The following IQSEC3 variants were observed in gnomAD, a reference collection of about 807,000 sequenced individuals.
IQSEC3 encodes IQ motif and SEC7 domain-containing protein 3.
Under a neutral mutation model 105.4 loss-of-function variants are expected in IQSEC3, and 50 were observed. That is an observed-to-expected ratio of 0.47 (90% CI 0.38 to 0.60). The LOEUF is 0.60. Ranked by LOEUF, IQSEC3 falls within the 20% of genes least tolerant of loss-of-function variation. The pLI, the probability that IQSEC3 is intolerant of heterozygous loss-of-function variation, is 0.00. For missense variants in IQSEC3, 1,415 were observed against 1,630.0 expected, an observed-to-expected ratio of 0.87 and a Z score of 2.27; for synonymous variants, 708 against 746.0, an observed-to-expected ratio of 0.95 and a Z score of 0.83.
chr12:94,229 G>A lies in IQSEC3; in HGVS notation c.555-4917G>A, dbSNP rs1555074237. Among the ~76,000 whole-genome samples, 3 of 152,212 alleles carry A rather than the reference G, an allele frequency of 2.0e-5. No homozygotes were observed. In the South Asian group the frequency reaches 6.2e-4, roughly 31 times the overall value. ...GCCTGGTCTTGGTAAATGAACACAT[G>A]AATGCCCGCTTGCCAAAAACCCTTT... On this transcript the variant is annotated intron_variant, in intron 1 of 13. Coordinates refer to ENST00000538872, the MANE Select transcript of IQSEC3 (RefSeq NM_001170738.2).
rs374513961 is a variant in IQSEC3 at position 145,848 on chromosome 12, G to A, written c.2153+4563G>A. 5.4e-4 allele frequency among the ~76,000 whole-genome samples: 82 copies of A among 152,330 alleles called. No individual in the cohort carries two copies. The South Asian group carries it at 0.015, about 28-fold the overall frequency. On this transcript the variant is annotated intron_variant, in intron 5 of 13. Transcript: ENST00000538872. ...GGAACGTTCCATGCTGGCTGTGAGC[G>A]GCCTCTTTCTGGCCTGGATGATTTT...
In IQSEC3 at chr12:156,990, C is replaced by T. The variant is rs543931293; in HGVS notation, c.2154-35C>T. The stretch of plus-strand genomic sequence containing the variant: ...TGGGTGTTGGAGGGTGCTTAGGGTG[C>T]CACCTGACCTCACACCCTCCCTGCC... On this transcript the variant is annotated intron_variant, in intron 5 of 13. Coordinates refer to ENST00000538872, the MANE Select transcript of IQSEC3 (RefSeq NM_001170738.2). 2.4e-5 allele frequency: 37 copies of T among 1,539,054 alleles called. No homozygotes were observed. The East Asian group carries it at 8.0e-4, about 33-fold the overall frequency.
intron 2 of IQSEC3, among the ~76,000 whole-genome samples, chr12:102,342 T>C (rs1555076404): frequency 6.6e-6 from 1 of 152,126 alleles, no homozygotes; most frequent in Non-Finnish European, 1.5e-5. Flanking sequence ...CCAAAGTCAG[T>C]GAATCAGGTG....
chr12:102,047 G>A (rs1247312050), intron 2 of IQSEC3, among the ~76,000 whole-genome samples: 3 of 152,076 alleles, frequency 2.0e-5, no homozygotes, highest in Non-Finnish European at 2.9e-5. Context: ...AGGAGATCTG[G>A]TATGGACTCT....
chr12:155,587 G>A (rs189465672), intron 5 of IQSEC3, among the ~76,000 whole-genome samples: 163 of 152,280 alleles, frequency 1.1e-3, no homozygotes, highest in Middle Eastern at 6.8e-3. Context: ...CCACTGTGGC[G>A]TCTCCCCTTG....
intron 5 of IQSEC3, chr12:143,564 CCG>C (rs1866124126): frequency 1.2e-5 from 2 of 167,004 alleles, no homozygotes; most frequent in African/African-American, 4.8e-5. Flanking sequence ...GGCCCCAGGG[CCG>C]TGCTGGGGTG....
chr12:171,931 C>T (rs1555100465), intron 13 of IQSEC3, among the ~76,000 whole-genome samples: 1 of 152,090 alleles, frequency 6.6e-6, no homozygotes, highest in African/African-American at 2.4e-5. Context: ...TGCCAAACCC[C>T]CCCAGTGCCA....
At position 154,787 on chromosome 12, in the gene IQSEC3, T is replaced by C. The variant is rs78054173; in HGVS notation, c.2154-2238T>C. Among the ~76,000 whole-genome samples, 3 of 152,268 alleles carry C rather than the reference T, an allele frequency of 2.0e-5. No homozygotes were observed. In the East Asian group the frequency reaches 5.8e-4, roughly 30 times the overall value. On this transcript the variant is annotated intron_variant, in intron 5 of 13. Transcript: ENST00000538872. The stretch of plus-strand genomic sequence containing the variant: ...CCGCCTTCCTCCCTGTCTCTGTTTT[T>C]TGCTTGTTCTTTATCTCAGTCTCCG...
In IQSEC3 at chr12:108,692, G is replaced by C. The variant is rs76245967; in HGVS notation, c.623+9478G>C. Among the ~76,000 whole-genome samples, 1,082 of 152,368 alleles carry C rather than the reference G, an allele frequency of 7.1e-3. 4 individuals carry two copies. The highest frequency in any genetic ancestry group is 0.03 in the East Asian group (155 of 5,192). On this transcript the variant is annotated intron_variant, in intron 2 of 13. Transcript: ENST00000538872. Reference sequence around the variant, plus strand: ...ACTGACCCCAGGAGGAACTTGAGGAGGCAAGGGGCTGACCAGCTGGCCTTT... The same window carrying C: ...ACTGACCCCAGGAGGAACTTGAGGACGCAAGGGGCTGACCAGCTGGCCTTT...
intron 3 of IQSEC3, among the ~76,000 whole-genome samples, chr12:129,592 G>A (rs1865523812): frequency 1.5e-5 from 2 of 135,214 alleles, no homozygotes; most frequent in South Asian, 4.7e-4. Flanking sequence ...GGTCCCTTTG[G>A]GGAGCCCTTT....
Position 139,273 on chromosome 12 carries a change from C to G in IQSEC3, c.1910C>G (p.Pro637Arg). 6.2e-7 allele frequency: 1 copy of G among 1,610,030 alleles called. No individual in the cohort carries two copies. The highest frequency in any genetic ancestry group is 1.3e-5 in the African/African-American group (1 of 74,856). The change falls in exon 4 of 14, where the codon CCA becomes CGA. Residue 637 changes from proline to arginine, a missense_variant. This residue lies in a region of IQSEC3 where 213 missense variants were observed against 306.2 expected (regional missense o/e 0.70). Transcript: ENST00000538872. Reference sequence around the variant, plus strand: ...CTGCCGCGCTACCACTGCGAGAACCCAGCCAGCTGCAAGTCGCCCACGCTC... The same window carrying G: ...CTGCCGCGCTACCACTGCGAGAACCGAGCCAGCTGCAAGTCGCCCACGCTC... ...LSLPRYHCEN[P>R]ASCKSPTLST...
At chr12:94,310 G>T (rs1864180339) in intron 1 of IQSEC3, among the ~76,000 whole-genome samples, 1 of 152,200 alleles carries the variant, frequency 6.6e-6, no homozygotes, top group Non-Finnish European at 1.5e-5. Flanking sequence ...TTTAGGCTCT[G>T]CTACTAACTA....
In IQSEC3 at chr12:66,945, C is replaced by G; in HGVS notation, c.63C>G (p.Ile21Met). The change falls in exon 1 of 14, where the codon ATC (isoleucine) becomes ATG (methionine). Residue 21 changes from isoleucine (I) to methionine (M), a missense_variant. Physicochemically the swap from Ile to Met is conservative, Grantham distance 10. Around this residue, in one of 6 missense-constraint regions of IQSEC3, gnomAD observed 34 missense variants for 80.3 expected, o/e 0.42. Transcript: ENST00000538872. ...TCTACCTCAAGGAGCTCACGGCCATCGTGCAGAACCAGCAGAGCCTCATCC... is the reference window on the plus strand; with the variant it reads ...TCTACCTCAAGGAGCTCACGGCCATGGTGCAGAACCAGCAGAGCCTCATCC... ...AVLYLKELTA[I>M]VQNQQSLIHT... is the part of the protein sequence containing the mutation. The G allele has an allele frequency of 1.3e-6, 2 of 1,524,934 alleles. No individual in the cohort carries two copies. The highest frequency in any genetic ancestry group is 1.8e-6 in the Non-Finnish European group (2 of 1,142,290). 94.5% of individuals were successfully genotyped at this position (1,524,934 alleles called of 1,614,324 possible).
chr12:87,732 C>A (rs1555072390), intron 1 of IQSEC3, among the ~76,000 whole-genome samples: 1 of 151,870 alleles, frequency 6.6e-6, no homozygotes, highest in Non-Finnish European at 1.5e-5. Context: ...ACACTGAAGA[C>A]CAGTGGGGGA....
chr12:87,059 CTG>C (rs1337614683), intron 1 of IQSEC3, among the ~76,000 whole-genome samples: 2 of 152,248 alleles, frequency 1.3e-5, no homozygotes, highest in Admixed American at 1.3e-4. Context: ...CAACAACATG[CTG>C]TGAGAGCTAC....
At chr12:102,967 TAGGCCCTCAGGTGGG>T (rs1171348749) in intron 2 of IQSEC3, among the ~76,000 whole-genome samples, 2 of 152,206 alleles carry the variant, frequency 1.3e-5, no homozygotes, top group East Asian at 3.9e-4. Context: ...CCAGGGTAGT[TAGGCCCTCAGGTGGG>T]AGCTGGGGGT....
chr12:101,034 A>C (rs1421090377), intron 2 of IQSEC3, among the ~76,000 whole-genome samples: 7 of 152,192 alleles, frequency 4.6e-5, no homozygotes, highest in African/African-American at 1.7e-4. Context: ...AACTCAATTC[A>C]GTGAGCATTT....
chr12:116,702 G>T (rs1865059968), intron 2 of IQSEC3, among the ~76,000 whole-genome samples: 1 of 152,198 alleles, frequency 6.6e-6, no homozygotes, highest in Non-Finnish European at 1.5e-5. Flanking sequence ...TGACCCTTTG[G>T]GATCTGCAAG....
At chr12:95,512 G>T (rs57400315) in intron 1 of IQSEC3, among the ~76,000 whole-genome samples, 87,158 of 151,984 alleles carry the variant, frequency 0.57, 26,002 homozygotes, top group African/African-American at 0.67. Context: ...CATGGGAATT[G>T]ATATTTAACA....
Sources: allele counts gnomAD v4.1 joint callset (sites outside exome capture counted in the v4.1 genomes callset), GRCh38; gene constraint gnomAD v4.1.1; regional missense constraint gnomAD v4.1.1; transcripts MANE v1.5; gene names NCBI Gene and HGNC (gene_info 2026-07-23, HGNC 2026-07-21).